GDF1: variants seen among roughly 807,000 people sequenced by gnomAD.
GDF1 encodes the protein growth differentiation factor 1, also known as embryonic growth/differentiation factor 1.
Under a neutral mutation model 7.4 loss-of-function variants are expected in GDF1, and 8 were observed. The ratio of observed to expected loss-of-function variants is 1.09; its 90% CI spans 0.64 to 1.96. GDF1 has a LOEUF of 1.96. Ranked by LOEUF, GDF1 falls within the 30% of genes most tolerant of loss-of-function variation. The pLI is 0.00. For synonymous variants in GDF1, 311 were observed against 276.7 expected (o/e 1.12, Z -1.23); for missense variants, 574 against 551.5 (o/e 1.04, Z -0.41).
In GDF1 at chr19:18,875,711, C is replaced by T. The variant is rs532997512; in HGVS notation, c.-313+3219G>A. On this transcript the variant is annotated intron_variant, in intron 6 of 7. Coordinates refer to ENST00000247005, the MANE Select transcript of GDF1 (RefSeq NM_001492.6). ...GTCATGAGACCACAAGCTCAGACAA[C>T]ACCTTAGACAACAAGACCAGTGACC... 4.6e-5 allele frequency among the ~76,000 whole-genome samples: 7 copies of T among 152,294 alleles called. No individual in the cohort carries two copies. In the South Asian group the frequency reaches 1.2e-3, roughly 27 times the overall value.
chr19:18,892,607 C>T (rs1280907148), intron 2 of GDF1, among the ~76,000 whole-genome samples: 3 of 152,002 alleles, frequency 2.0e-5, no homozygotes, highest in East Asian at 3.9e-4. Flanking sequence ...GAGCGAGACT[C>T]CATCTCAAAA....
chr19:18,871,688 C>T (rs1253096467), intron 6 of GDF1, among the ~76,000 whole-genome samples: 1 of 152,262 alleles, frequency 6.6e-6, no homozygotes, highest in Non-Finnish European at 1.5e-5. Flanking sequence ...TAGGCTGAAG[C>T]TCAGCTTCTC....
chr19:18,872,491 G>A (rs1036459227), intron 6 of GDF1, among the ~76,000 whole-genome samples: 56 of 151,858 alleles, frequency 3.7e-4, no homozygotes, highest in African/African-American at 1.3e-3. Context: ...GGGACTACAG[G>A]CATGCAACAC....
intron 4 of GDF1, 129 bp from the exon 5 acceptor site, chr19:18,879,517 C>G: frequency 8.9e-7 from 1 of 1,126,744 alleles, no homozygotes; most frequent in African/African-American, 1.6e-5. Context: ...CCACCTGTTT[C>G]TACTACTGCT....
intron 2 of GDF1, among the ~76,000 whole-genome samples, chr19:18,889,522 C>T (rs1290347868): frequency 6.6e-6 from 1 of 152,174 alleles, no homozygotes; most frequent in Non-Finnish European, 1.5e-5. Context: ...GCTCAAGCCT[C>T]AGCCTCAGCC....
At position 18,875,925 on chromosome 19, in the gene GDF1, G is replaced by A. The variant is rs368324317; in HGVS notation, c.-313+3005C>T. ...GCTTAGAGTTCCCAGAGGGAGCACC[G>A]CCCAGCTGACCTTGATTTTGAACAT... On this transcript the variant is annotated intron_variant, in intron 6 of 7. Coordinates refer to ENST00000247005, the MANE Select transcript of GDF1 (RefSeq NM_001492.6). Among the ~76,000 whole-genome samples, 103 of 152,324 alleles carry A rather than the reference G, an allele frequency of 6.8e-4. 2 individuals are homozygous for A. In the South Asian group the frequency reaches 0.02, roughly 29 times the overall value.
chr19:18,880,189 C>T, intron 4 of GDF1, 85 bp downstream of exon 4: 1 of 1,387,164 alleles, frequency 7.2e-7, no homozygotes, highest in Middle Eastern at 2.6e-4. Context: ...CCGCCTCCTT[C>T]CCTGCCTGGT....
chr19:18,889,697 T>C (rs1323236735), intron 2 of GDF1, among the ~76,000 whole-genome samples: 1 of 152,168 alleles, frequency 6.6e-6, no homozygotes, highest in African/African-American at 2.4e-5. Flanking sequence ...CCCAAAGTAC[T>C]GGGATTCCAG....
Position 18,895,859 on chromosome 19 carries a change from C to T in GDF1, c.-1109G>A, listed in dbSNP as rs1253756196. ...CGCGCAGTGGCCGCGGAGCGCAGGGCGGTCCAGCCCAGCGCGCCGAGCGCC... is the reference window on the plus strand; with the variant it reads ...CGCGCAGTGGCCGCGGAGCGCAGGGTGGTCCAGCCCAGCGCGCCGAGCGCC... On this transcript the variant is annotated 5_prime_UTR_variant, in exon 1 of 8. Coordinates refer to ENST00000247005, the MANE Select transcript of GDF1 (RefSeq NM_001492.6). The surrounding 1 kb of genome is among the most constrained non-coding windows in gnomAD (Gnocchi z 6.4). 21 of 1,282,888 alleles carry T rather than the reference C, an allele frequency of 1.6e-5. No individual in the cohort carries two copies. The South Asian group carries it at 3.5e-4, about 22-fold the overall frequency. The allele number at this position is 1,282,888 out of a possible 1,614,324, so 79.5% of individuals were successfully genotyped here.
Position 18,868,598 on chromosome 19 carries a change from T to A in GDF1, c.1118A>T (p.Ter373LeuextTer?), listed in dbSNP as rs2055895748. The change falls in exon 8 of 8, where the codon TAA becomes TTA. Residue 373 changes from the stop codon to leucine (L), a stop_lost. Coordinates refer to ENST00000247005, the MANE Select transcript of GDF1 (RefSeq NM_001492.6). ...GCCCGCGTCCCTGCCCGCCCCGGGT[T>A]AGCGGCAGCCGCACTCGTCCACCAC... ...DMVVDECGCR[*>L] The A allele has an allele frequency of 6.4e-7, 1 of 1,554,734 alleles. No individual in the cohort carries two copies. The highest frequency in any genetic ancestry group is 1.4e-5 in the African/African-American group (1 of 73,306).
At chr19:18,874,162 C>T (rs1242781910) in intron 6 of GDF1, among the ~76,000 whole-genome samples, 1 of 152,098 alleles carries the variant, frequency 6.6e-6, no homozygotes, top group East Asian at 1.9e-4. Context: ...CATCCTCACC[C>T]GGCCACTTCT....
At chr19:18,880,171 A>C (rs1268016268) in intron 4 of GDF1, 103 bp downstream of exon 4, 8 of 1,181,670 alleles carry the variant, frequency 6.8e-6, no homozygotes, top group African/African-American at 5.4e-5. Context: ...CACCCACCTC[A>C]CCGGGCCCCG....
At chr19:18,871,330 G>A (rs1044790892) in intron 6 of GDF1, among the ~76,000 whole-genome samples, 2 of 150,078 alleles carry the variant, frequency 1.3e-5, no homozygotes, top group Non-Finnish European at 3.0e-5. Flanking sequence ...GAGTTCAAGC[G>A]ATTCTCCTGC....
intron 3 of GDF1, chr19:18,883,225 C>T (rs995425530): frequency 9.2e-5 from 14 of 152,060 alleles, no homozygotes; most frequent in African/African-American, 3.4e-4. Context: ...CAGCTAGTCC[C>T]GTAGGAATAG....
chr19:18,886,441 C>T (rs1055545058), intron 2 of GDF1, among the ~76,000 whole-genome samples: 3 of 151,958 alleles, frequency 2.0e-5, no homozygotes, highest in African/African-American at 7.3e-5. Flanking sequence ...CCCAGCTACT[C>T]GGGAGGCTGA....
At chr19:18,879,130 C>A in intron 5 of GDF1, 91 bp from the exon 6 acceptor site, 1 of 1,586,078 alleles carries the variant, frequency 6.3e-7, no homozygotes, top group Admixed American at 1.8e-5. Context: ...GGGCCCTCCA[C>A]ACGGGCTGTC....
Position 18,878,829 on chromosome 19 carries a change from C to A in GDF1, c.-313+101G>T. On this transcript the variant is annotated intron_variant, in intron 6 of 7. Transcript: ENST00000247005. The surrounding 1 kb of genome is among the most constrained non-coding windows in gnomAD (Gnocchi z 4.6). ...TAGGCTTGGGGGGCAGCATCCGCGT[C>A]GGCCTCATCTGCTGCTGGGTCTTGG... is the stretch of plus-strand genomic sequence containing the variant. 2 of 1,520,522 alleles carry A rather than the reference C, an allele frequency of 1.3e-6. No homozygotes were observed. Among genetic ancestry groups the A allele is most frequent in the Non-Finnish European group, 1.8e-6 (2 of 1,135,142 alleles). The allele number at this position is 1,520,522 out of a possible 1,614,324, so 94.2% of individuals were successfully genotyped here.
intron 2 of GDF1, among the ~76,000 whole-genome samples, chr19:18,884,692 C>T (rs894188843): frequency 6.7e-6 from 1 of 149,656 alleles, no homozygotes; most frequent in South Asian, 2.1e-4. Flanking sequence ...CAGGCGTGAG[C>T]CACCCCGCCC....
intron 2 of GDF1, among the ~76,000 whole-genome samples, chr19:18,889,181 T>C (rs928246756): frequency 6.6e-6 from 1 of 151,880 alleles, no homozygotes; most frequent in African/African-American, 2.4e-5. Flanking sequence ...TGTGAGCCAC[T>C]GCACCCGGCC....
Sources: gnomAD v4.1 joint callset for allele counts (sites outside exome capture counted in the v4.1 genomes callset) on GRCh38, gnomAD v4.1.1 for gene constraint, Gnocchi (gnomAD v3.1) non-coding constraint, MANE v1.5 for transcripts, NCBI Gene and HGNC (gene_info 2026-07-23, HGNC 2026-07-21) for gene names.